The following JPH3 variants were observed in gnomAD, a reference collection of about 807,000 sequenced individuals.
JPH3 encodes the protein junctophilin-3.
A neutral mutation model predicts 59.6 loss-of-function variants in JPH3; 11 were observed. The observed-to-expected ratio is 0.18, with a 90% CI of 0.12 to 0.31. JPH3 has a LOEUF of 0.31. Ranked by LOEUF, JPH3 falls within the 10% of genes least tolerant of loss-of-function variation. The pLI is 1.00. For missense variants in JPH3, 1,202 were observed against 1,105.7 expected, an observed-to-expected ratio of 1.09 and a Z score of -1.24; for synonymous variants, 673 against 483.6, an observed-to-expected ratio of 1.39 and a Z score of -5.14.
intron 1 of JPH3, among the ~76,000 whole-genome samples, chr16:87,635,029 T>C (rs1196650097): frequency 6.6e-6 from 1 of 152,200 alleles, no homozygotes; most frequent in East Asian, 1.9e-4. Flanking sequence ...ATGTTTCCCC[T>C]TTTCCCTCCA....
chr16:87,682,079 G>T (rs2033310211), intron 2 of JPH3, among the ~76,000 whole-genome samples: 1 of 152,144 alleles, frequency 6.6e-6, no homozygotes, highest in Admixed American at 6.5e-5. Context: ...CAAGACAGGG[G>T]GTGTGCTCTC....
rs547825767 is a variant in JPH3 at position 87,690,017 on chromosome 16, G to A, written c.1657G>A (p.Val553Met). 5 of 1,528,058 alleles carry A rather than the reference G, an allele frequency of 3.3e-6. No homozygotes were observed. The highest frequency in any genetic ancestry group is 2.8e-5 in the African/African-American group (2 of 72,280). The allele number at this position is 1,528,058 out of a possible 1,614,324, so 94.7% of individuals were successfully genotyped here. A position where few individuals can be genotyped will look rare whatever the true frequency, so the allele number is the denominator to read the frequency against. Reference protein sequence around the residue: ...RSGALRGGLLVDDFRTRGSGR... With the variant: ...RSGALRGGLLMDDFRTRGSGR... Reference sequence around the variant, plus strand: ...CGGTGCCCTGCGCGGCGGCCTGCTCGTGGATGACTTCCGCACCCGAGGTTC... The same window carrying A: ...CGGTGCCCTGCGCGGCGGCCTGCTCATGGATGACTTCCGCACCCGAGGTTC... The change falls in exon 4 of 5, where the codon GTG (valine) becomes ATG (methionine). Residue 553 changes from valine to methionine, a missense_variant. Transcript: ENST00000284262.
intron 4 of JPH3, chr16:87,695,566 G>A (rs890546350): frequency 2.2e-6 from 1 of 455,484 alleles, no homozygotes; most frequent in South Asian, 1.5e-5. Flanking sequence ...AGTGTCCTCT[G>A]GAAGCAGACT....
chr16:87,650,753 G>A (rs1476235975), intron 2 of JPH3, among the ~76,000 whole-genome samples: 1 of 152,248 alleles, frequency 6.6e-6, no homozygotes, highest in African/African-American at 2.4e-5. Flanking sequence ...CTCTAATGCT[G>A]TGAAGGCTGA....
chr16:87,641,494 G>A (rs569142967), intron 1 of JPH3, among the ~76,000 whole-genome samples: 3 of 152,168 alleles, frequency 2.0e-5, no homozygotes, highest in African/African-American at 4.8e-5. Flanking sequence ...AAAGTGGGAC[G>A]AGGCTGAAGC....
Position 87,636,078 on chromosome 16 carries a change from C to T in JPH3, c.383-8180C>T, listed in dbSNP as rs1386408300. On this transcript the variant is annotated intron_variant, in intron 1 of 4. Coordinates refer to ENST00000284262, the MANE Select transcript of JPH3 (RefSeq NM_020655.4). ...TGGGCAGCTTGCGGGGCAGCTTTGT[C>T]CCCCCGACACTGGGTCCTGTCTTCA... 4.6e-5 allele frequency among the ~76,000 whole-genome samples: 7 copies of T among 151,600 alleles called. No homozygotes were observed. The East Asian group carries it at 9.7e-4, about 21-fold the overall frequency.
chr16:87,688,784 T>C (rs1941939260), intron 3 of JPH3, among the ~76,000 whole-genome samples: 1 of 152,142 alleles, frequency 6.6e-6, no homozygotes, highest in Non-Finnish European at 1.5e-5. Flanking sequence ...CCCCGGAGGG[T>C]AAGAAGCGCC....
intron 1 of JPH3, among the ~76,000 whole-genome samples, chr16:87,610,010 G>A (rs28437678): frequency 0.019 from 2,955 of 152,294 alleles, 102 homozygotes; most frequent in African/African-American, 0.068. Flanking sequence ...GGTCTCATCT[G>A]GGGGTGATGG....
chr16:87,632,394 C>G (rs1029810416), intron 1 of JPH3, among the ~76,000 whole-genome samples: 15 of 152,142 alleles, frequency 9.9e-5, no homozygotes, highest in African/African-American at 3.4e-4. Context: ...AACTCTCTTC[C>G]TTTCATTCAT....
At chr16:87,658,223 A>T (rs954067114) in intron 2 of JPH3, among the ~76,000 whole-genome samples, 5 of 152,202 alleles carry the variant, frequency 3.3e-5, no homozygotes, top group Non-Finnish European at 5.9e-5. Context: ...CTGAGGTCGC[A>T]GGGCTACCAA....
At chr16:87,629,714 G>A (rs1051449837) in intron 1 of JPH3, among the ~76,000 whole-genome samples, 7 of 152,210 alleles carry the variant, frequency 4.6e-5, no homozygotes, top group African/African-American at 9.6e-5. Flanking sequence ...GGCGGAGCCC[G>A]GGGGATTTGT....
chr16:87,659,018 G>T (rs543495030), intron 2 of JPH3, among the ~76,000 whole-genome samples: 4 of 152,206 alleles, frequency 2.6e-5, no homozygotes, highest in Admixed American at 6.5e-5. Context: ...CTTAGTCTGG[G>T]ACAGCTGCGG....
rs1396438991 is a variant in JPH3, at chr16:87,697,935, T to TC, written c.*1277dup. The TC allele has an allele frequency of 1.3e-5, 2 of 152,394 alleles. No individual in the cohort carries two copies. Among genetic ancestry groups the TC allele is most frequent in the Non-Finnish European group, 2.9e-5 (2 of 68,032 alleles). The allele number at this position is 152,394 out of a possible 1,614,324, so 9.4% of individuals were successfully genotyped here. ...CGTGTGCATGGACGTGCCTGAGGGGTCCGGGCACGGCCATACGCAGGACCC... is the reference window on the plus strand; with the variant it reads ...CGTGTGCATGGACGTGCCTGAGGGGTCCCGGGCACGGCCATACGCAGGACCC... On this transcript the variant is annotated 3_prime_UTR_variant, in exon 5 of 5. Coordinates refer to ENST00000284262, the MANE Select transcript of JPH3 (RefSeq NM_020655.4).
intron 1 of JPH3, among the ~76,000 whole-genome samples, chr16:87,640,059 A>G (rs1353236095): frequency 1.3e-5 from 2 of 152,008 alleles, no homozygotes; most frequent in Non-Finnish European, 2.9e-5. Flanking sequence ...GTTCCAGCTG[A>G]GGGGGGGCCC....
chr16:87,639,990 G>A (rs1289094903), intron 1 of JPH3, among the ~76,000 whole-genome samples: 7 of 152,226 alleles, frequency 4.6e-5, no homozygotes, highest in Admixed American at 4.6e-4. Flanking sequence ...GGGAGTGGGT[G>A]AGCCTCTCCT....
At chr16:87,680,591 A>G (rs2033264677) in intron 2 of JPH3, among the ~76,000 whole-genome samples, 1 of 152,202 alleles carries the variant, frequency 6.6e-6, no homozygotes, top group Non-Finnish European at 1.5e-5. Flanking sequence ...CTACGGAGCC[A>G]TGGTGCAGGG....
intron 1 of JPH3, among the ~76,000 whole-genome samples, chr16:87,616,215 TGTGTGTGTGTGTGTGTGTGTG>T (rs1567583284): frequency 1.2e-4 from 18 of 147,490 alleles, no homozygotes; most frequent in African/African-American, 4.0e-4. Context: ...TGTGTGTGTG[TGTGTGTGTGTGTGTGTGTGTG>T]TATTTTTTTT....
intron 1 of JPH3, among the ~76,000 whole-genome samples, chr16:87,640,312 A>G (rs1181703956): frequency 6.9e-6 from 1 of 145,744 alleles, no homozygotes; most frequent in Non-Finnish European, 1.5e-5. Flanking sequence ...CTGGCGACAG[A>G]GCAAGACTCC....
chr16:87,648,682 G>T (rs547965470), intron 2 of JPH3, among the ~76,000 whole-genome samples: 1 of 152,258 alleles, frequency 6.6e-6, no homozygotes, highest in African/African-American at 2.4e-5. Flanking sequence ...GGGGGAGCTG[G>T]GACTCAGCCC....
Sources: gnomAD v4.1 joint callset for allele counts (sites outside exome capture counted in the v4.1 genomes callset) on GRCh38, gnomAD v4.1.1 for gene constraint, MANE v1.5 for transcripts, NCBI Gene and HGNC (gene_info 2026-07-23, HGNC 2026-07-21) for gene names.